The following ABL1 variants were observed in gnomAD, a reference collection of about 807,000 sequenced individuals.
The protein encoded by ABL1 is ABL proto-oncogene 1, non-receptor tyrosine kinase.
Under a neutral mutation model 94.7 loss-of-function variants are expected in ABL1, and 11 were observed. The observed-to-expected ratio is 0.12, with a 90% confidence interval of 0.07 to 0.19. ABL1 has a LOEUF of 0.19. Ranked by LOEUF, ABL1 falls within the 10% of genes least tolerant of loss-of-function variation. The pLI, the probability that ABL1 is intolerant of heterozygous loss-of-function variation, is 1.00. For missense variants in ABL1, 1,082 were observed against 1,489.4 expected (o/e 0.73, Z 4.50); for synonymous variants, 656 against 622.4 (o/e 1.05, Z -0.80).
intron 1 of ABL1, among the ~76,000 whole-genome samples, chr9:130,852,522 T>G (rs1830884883): frequency 6.6e-6 from 1 of 152,206 alleles, no homozygotes; most frequent in Admixed American, 6.5e-5. Context: ...TTAGTGATTT[T>G]TAAATTGTAG....
At chr9:130,773,494 T>G (rs1832277053) in intron 1 of ABL1, among the ~76,000 whole-genome samples, 1 of 152,144 alleles carries the variant, frequency 6.6e-6, no homozygotes, top group Admixed American at 6.6e-5. Flanking sequence ...GGTCTTGCTC[T>G]ATCGTCCAGG....
rs147239978 is a variant in ABL1, at chr9:130,727,092, T to C, written c.136+12637T>C. 1.4e-3 allele frequency among the ~76,000 whole-genome samples: 220 copies of C among 152,364 alleles called. 1 individual carries two copies. Among genetic ancestry groups the C allele is most frequent in the Non-Finnish European group, 2.8e-3 (188 of 68,032 alleles). ...TGGCCCAGCATATAACCTGTCTTAG[T>C]GAATGTTCCATTTGTAGTTGAAAAA... is the stretch of plus-strand genomic sequence containing the variant. On this transcript the variant is annotated intron_variant, in intron 1 of 10. Transcript: ENST00000372348.
At chr9:130,834,971 G>A (rs1830540400), upstream of ABL1, 4 of 453,544 alleles carry the variant, frequency 8.8e-6, no homozygotes, top group South Asian at 6.2e-5. Context: ...GGAGTTGCGC[G>A]CGGCTTCTAA....
chr9:130,751,001 G>C (rs572810581), intron 1 of ABL1, among the ~76,000 whole-genome samples: 5 of 151,890 alleles, frequency 3.3e-5, no homozygotes, highest in Admixed American at 2.6e-4. Context: ...TTGTAGAGGA[G>C]TGTTGATAGG....
At chr9:130,776,425 G>A (rs1588234757) in intron 1 of ABL1, among the ~76,000 whole-genome samples, 1 of 152,138 alleles carries the variant, frequency 6.6e-6, no homozygotes, top group Admixed American at 6.5e-5. Context: ...GCGAAACCCC[G>A]TCTCTACTAA....
intron 1 of ABL1, among the ~76,000 whole-genome samples, chr9:130,742,857 T>C (rs2789766): frequency 0.19 from 28,723 of 151,916 alleles, 3,446 homozygotes; most frequent in Middle Eastern, 0.39. Context: ...TACTGTATAA[T>C]ACCGTATATT....
rs34528687 is a variant in ABL1 at position 130,730,448 on chromosome 9, A to G, written c.136+15993A>G. On this transcript the variant is annotated intron_variant, in intron 1 of 10. Transcript: ENST00000372348. The stretch of plus-strand genomic sequence containing the variant: ...CTCATGAGGTTAAGCACCTTTTCAT[A>G]TGTTTACTGGCCATTTGGAATATAT... Among the ~76,000 whole-genome samples, 70 of 152,158 alleles carry G rather than the reference A, an allele frequency of 4.6e-4. No individual in the cohort carries two copies. In the East Asian group the frequency reaches 0.013, roughly 27 times the overall value.
chr9:130,802,998 C>G (rs1210812393), intron 1 of ABL1, among the ~76,000 whole-genome samples: 3 of 152,082 alleles, frequency 2.0e-5, no homozygotes, highest in Non-Finnish European at 2.9e-5. Context: ...GAGATCTTCC[C>G]CTGCCTTTTT....
chr9:130,766,349 G>A (rs933104227), intron 1 of ABL1, among the ~76,000 whole-genome samples: 3 of 152,176 alleles, frequency 2.0e-5, no homozygotes, highest in African/African-American at 7.2e-5. Flanking sequence ...ACCGCAGACA[G>A]ACTTCTGCGT....
At chr9:130,741,962 G>T (rs1234876730) in intron 1 of ABL1, among the ~76,000 whole-genome samples, 2 of 152,218 alleles carry the variant, frequency 1.3e-5, no homozygotes, top group African/African-American at 4.8e-5. Flanking sequence ...GTGCCATGGT[G>T]GCTGTGGTGT....
intron 1 of ABL1, among the ~76,000 whole-genome samples, chr9:130,735,238 C>G (rs1201669489): frequency 6.6e-6 from 1 of 151,942 alleles, no homozygotes; most frequent in Non-Finnish European, 1.5e-5. Flanking sequence ...CCATGTTGGC[C>G]AGGCTGGTCT....
At chr9:130,761,455 T>TC (rs1296332911) in intron 1 of ABL1, among the ~76,000 whole-genome samples, 1 of 152,132 alleles carries the variant, frequency 6.6e-6, no homozygotes, top group Non-Finnish European at 1.5e-5. Context: ...GAAGGAAAGG[T>TC]CCCTCTTTTA....
At chr9:130,874,755 G>C in intron 6 of ABL1, 113 bp from the exon 7 acceptor site, 1 of 1,144,996 alleles carries the variant, frequency 8.7e-7, no homozygotes, top group Non-Finnish European at 1.3e-6. Context: ...AACTTCCAGG[G>C]CATTGGACTC....
chr9:130,799,192 C>T (rs908831077), intron 1 of ABL1, among the ~76,000 whole-genome samples: 10 of 152,036 alleles, frequency 6.6e-5, no homozygotes, highest in Admixed American at 4.6e-4. Flanking sequence ...TTTGGAGCAG[C>T]GTTTGGCCTC....
In ABL1 at chr9:130,872,718, C is replaced by T; in HGVS notation, c.908-142C>T. The T allele has an allele frequency of 1.3e-6, 1 of 742,898 alleles. No homozygotes were observed. The highest frequency in any genetic ancestry group is 2.2e-6 in the Non-Finnish European group (1 of 463,334). The allele number at this position is 742,898 out of a possible 1,614,324, so 46.0% of individuals were successfully genotyped here. ...CCCACACGAGCACAGTCTCAGGATG[C>T]AGGTGCTTGGGACCATGTTGGAAGT... On this transcript the variant is annotated intron_variant, in intron 5 of 10. Coordinates refer to ENST00000318560, the MANE Select transcript of ABL1 (RefSeq NM_005157.6). This position sits in a 1 kb window ranked among gnomAD's most constrained non-coding sequence, Gnocchi z 5.0.
intron 3 of ABL1, among the ~76,000 whole-genome samples, chr9:130,856,158 G>C (rs375101443): frequency 6.6e-6 from 1 of 152,130 alleles, no homozygotes; most frequent in Non-Finnish European, 1.5e-5. Flanking sequence ...GTGCGTTCTC[G>C]GCTTACTGCA....
intron 1 of ABL1, among the ~76,000 whole-genome samples, chr9:130,826,272 C>G (rs1830423007): frequency 6.6e-6 from 1 of 151,994 alleles, no homozygotes; most frequent in African/African-American, 2.4e-5. Flanking sequence ...AGGCACACAC[C>G]ACCACGCCCA....
At chr9:130,799,635 G>A (rs1164729181) in intron 1 of ABL1, among the ~76,000 whole-genome samples, 1 of 152,164 alleles carries the variant, frequency 6.6e-6, no homozygotes, top group Non-Finnish European at 1.5e-5. Flanking sequence ...CATAGAAAGT[G>A]CTTGAGGCAT....
chr9:130,752,429 C>T (rs961168719), intron 1 of ABL1, among the ~76,000 whole-genome samples: 1 of 152,158 alleles, frequency 6.6e-6, no homozygotes, highest in Non-Finnish European at 1.5e-5. Context: ...CACTCAAGGT[C>T]TTCTCTGAAG....
Sources: allele counts gnomAD v4.1 joint callset (sites outside exome capture counted in the v4.1 genomes callset), GRCh38; gene constraint gnomAD v4.1.1; non-coding constraint Gnocchi (gnomAD v3.1); transcripts MANE v1.5; gene names NCBI Gene and HGNC (gene_info 2026-07-23, HGNC 2026-07-21).